Variants in ANXA2 observed in about 807,000 individuals in gnomAD.
The protein encoded by ANXA2 is annexin A2.
In ANXA2, 28 loss-of-function variants were observed where a neutral mutation model predicts 47.3. The ratio of observed to expected loss-of-function variants is 0.59; its 90% confidence interval spans 0.44 to 0.81. The LOEUF is 0.81. Among genes scored for constraint, ANXA2 ranks in the 40% least tolerant of loss-of-function variants. ANXA2 has a pLI of 0.00. For missense variants in ANXA2, 384 were observed against 414.3 expected, an observed-to-expected ratio of 0.93 and a Z score of 0.64; for synonymous variants, 172 against 155.5, an observed-to-expected ratio of 1.11 and a Z score of -0.79.
At chr15:60,370,485 C>T (rs1255520006) in intron 3 of ANXA2, among the ~76,000 whole-genome samples, 2 of 152,212 alleles carry the variant, frequency 1.3e-5, no homozygotes, top group African/African-American at 4.8e-5. Flanking sequence ...ATCTTTAGAA[C>T]ACTGCTGCTT....
intron 1 of ANXA2, among the ~76,000 whole-genome samples, chr15:60,394,895 G>A (rs1213487354): frequency 6.6e-6 from 1 of 152,132 alleles, no homozygotes; most frequent in Non-Finnish European, 1.5e-5. Context: ...GCAGTGAATG[G>A]GTGGAAAGAA....
intron 7 of ANXA2, 138 bp downstream of exon 7, chr15:60,355,781 G>T (rs1195412033): frequency 1.3e-6 from 1 of 784,156 alleles, no homozygotes; most frequent in Non-Finnish European, 2.3e-6. Context: ...CAGTGACAGT[G>T]CAAACCCACT....
intron 3 of ANXA2, 60 bp from the exon 4 acceptor site, chr15:60,364,583 A>T: frequency 7.4e-7 from 1 of 1,345,582 alleles, no homozygotes; most frequent in South Asian, 1.3e-5. Context: ...GGGCTTACAT[A>T]GAAGGTGTCA....
intron 1 of ANXA2, 54 bp downstream of exon 1, chr15:60,397,889 C>T (rs1353724540): frequency 7.3e-7 from 1 of 1,375,230 alleles, no homozygotes; most frequent in Non-Finnish European, 9.4e-7. Flanking sequence ...CCAGCGTCTC[C>T]ACACCCCGCT....
intron 5 of ANXA2, among the ~76,000 whole-genome samples, chr15:60,359,094 A>C (rs1270203424): frequency 6.6e-6 from 1 of 152,186 alleles, no homozygotes; most frequent in East Asian, 1.9e-4. Flanking sequence ...TTTTTTAAGC[A>C]TAGTTCAGTT....
chr15:60,355,867 G>C (rs1235193483), intron 7 of ANXA2, 52 bp downstream of exon 7: 2 of 1,415,184 alleles, frequency 1.4e-6, no homozygotes, highest in African/African-American at 2.8e-5. Flanking sequence ...AATGAGGTAT[G>C]TGACTTGCCT....
chr15:60,364,186 A>G (rs531527774), intron 4 of ANXA2, among the ~76,000 whole-genome samples: 1 of 152,268 alleles, frequency 6.6e-6, no homozygotes, highest in East Asian at 1.9e-4. Context: ...CACGCGAGGG[A>G]TCTATGTTGT....
At chr15:60,355,219 G>C (rs2062408770) in intron 7 of ANXA2, among the ~76,000 whole-genome samples, 1 of 152,218 alleles carries the variant, frequency 6.6e-6, no homozygotes, top group Admixed American at 6.5e-5. Flanking sequence ...GTAAAATGGT[G>C]AAAGTGTATT....
chr15:60,363,172 C>T (rs553897079), intron 4 of ANXA2: 1 of 152,218 alleles, frequency 6.6e-6, no homozygotes, highest in African/African-American at 2.4e-5. Flanking sequence ...CCTTCTGCTC[C>T]ACTGGGAACT....
At position 60,364,488 on chromosome 15, in the gene ANXA2, T is replaced by C; in HGVS notation, c.184A>G (p.Asn62Asp). 1 of 1,613,398 alleles carries C rather than the reference T, an allele frequency of 6.2e-7. No individual in the cohort carries two copies. The highest frequency in any genetic ancestry group is 8.5e-7 in the Non-Finnish European group (1 of 1,179,834). Residue 62 changes from asparagine to aspartate, a missense_variant, in exon 4 of 13, where the codon AAC becomes GAC. By Grantham distance (23) the Asn-to-Asp change is conservative. Coordinates refer to ENST00000451270, the MANE Select transcript of ANXA2 (RefSeq NM_004039.3). Reference protein sequence around the residue: ...DEVTIVNILTNRSNAQRQDIA... With the variant: ...DEVTIVNILTDRSNAQRQDIA... ...TCCTGTCTCTGTGCATTGCTGCGGT[T>C]GGTCAAAATGTTGACAATGGTGACC...
At chr15:60,378,456 T>C (rs2062810197) in intron 3 of ANXA2, among the ~76,000 whole-genome samples, 1 of 152,228 alleles carries the variant, frequency 6.6e-6, no homozygotes, top group Middle Eastern at 3.2e-3. Flanking sequence ...TAAGGAAGTA[T>C]ACCTCAAGAC....
intron 4 of ANXA2, chr15:60,362,736 G>C (rs2062534087): frequency 6.6e-6 from 1 of 152,162 alleles, no homozygotes; most frequent in South Asian, 2.1e-4. Flanking sequence ...AAGGCTGAGA[G>C]TCAAGAATTA....
intron 7 of ANXA2, chr15:60,355,647 G>C: frequency 1.9e-6 from 1 of 519,762 alleles, no homozygotes; most frequent in East Asian, 3.6e-5. Context: ...CACGGCCAAG[G>C]CTCTGGCACA....
intron 3 of ANXA2, among the ~76,000 whole-genome samples, chr15:60,369,916 A>G (rs1490577046): frequency 6.6e-6 from 1 of 152,228 alleles, no homozygotes; most frequent in Admixed American, 6.5e-5. Flanking sequence ...TAACATCTAA[A>G]GAGTTCACTC....
chr15:60,393,936 C>T (rs1356528077), intron 1 of ANXA2, among the ~76,000 whole-genome samples: 1 of 152,174 alleles, frequency 6.6e-6, no homozygotes, highest in Non-Finnish European at 1.5e-5. Flanking sequence ...TTTTCCAACA[C>T]ACTCTCCTTC....
chr15:60,385,626 G>C (rs1295245985), intron 2 of ANXA2: 13 of 158,804 alleles, frequency 8.2e-5, no homozygotes, highest in Non-Finnish European at 1.8e-4. Flanking sequence ...ATAACTTCCT[G>C]GACACTGTAA....
intron 3 of ANXA2, among the ~76,000 whole-genome samples, chr15:60,365,707 T>C (rs954525551): frequency 6.6e-6 from 1 of 152,236 alleles, no homozygotes; most frequent in Admixed American, 6.5e-5. Flanking sequence ...TTAAAATGTA[T>C]ATGCTCATTT....
chr15:60,375,513 C>T (rs991680441), intron 3 of ANXA2, among the ~76,000 whole-genome samples: 1 of 152,186 alleles, frequency 6.6e-6, no homozygotes, highest in African/African-American at 2.4e-5. Context: ...GTGTTGTACA[C>T]GCCATCGTAT....
At chr15:60,348,774 T>C (rs1471279130) in intron 12 of ANXA2, among the ~76,000 whole-genome samples, 3 of 150,532 alleles carry the variant, frequency 2.0e-5, no homozygotes, top group Admixed American at 6.6e-5. Flanking sequence ...AAAATGTAAC[T>C]GATCTTCCAA....
Sources: gnomAD v4.1 joint callset for allele counts (sites outside exome capture counted in the v4.1 genomes callset) on GRCh38, gnomAD v4.1.1 for gene constraint, MANE v1.5 for transcripts, NCBI Gene and HGNC (gene_info 2026-07-23, HGNC 2026-07-21) for gene names.